SYNE2: variants seen among roughly 807,000 people sequenced by gnomAD.
SYNE2 encodes the protein spectrin repeat containing nuclear envelope protein 2.
Under a neutral mutation model 856.3 loss-of-function variants are expected in SYNE2, and 431 were observed. The observed-to-expected ratio is 0.50, with a 90% CI of 0.47 to 0.55. SYNE2 has a LOEUF of 0.55. Among genes scored for constraint, SYNE2 ranks in the 20% least tolerant of loss-of-function variants. The probability of loss-of-function intolerance (pLI) is 0.00; values close to 1 mark genes in which losing one functional copy is unlikely to be tolerated. For synonymous variants in SYNE2, 2,923 were observed against 2,872.3 expected, an observed-to-expected ratio of 1.02 and a Z score of -0.56; for missense variants, 8,129 against 8,023.2, an observed-to-expected ratio of 1.01 and a Z score of -0.50.
At chr14:63,956,930 A>C (rs2096247943) in intron 8 of SYNE2, among the ~76,000 whole-genome samples, 1 of 152,080 alleles carries the variant, frequency 6.6e-6, no homozygotes, top group Non-Finnish European at 1.5e-5. Context: ...TGTCATCCCC[A>C]AAGGAACTCC....
At chr14:63,950,604 A>G (rs901015997) in intron 7 of SYNE2, among the ~76,000 whole-genome samples, 1 of 152,180 alleles carries the variant, frequency 6.6e-6, no homozygotes, top group Non-Finnish European at 1.5e-5. Flanking sequence ...GTATATGAGT[A>G]TATTAAGAGA....
chr14:64,089,782 C>T, intron 59 of SYNE2, 86 bp downstream of exon 59: 7 of 1,188,708 alleles, frequency 5.9e-6, no homozygotes, highest in South Asian at 1.3e-5. Flanking sequence ...TTTAAAAAAG[C>T]ATTTAGTCTT....
At chr14:63,814,257 G>A (rs979974645) in intron 1 of SYNE2, among the ~76,000 whole-genome samples, 15 of 151,162 alleles carry the variant, frequency 9.9e-5, no homozygotes, top group African/African-American at 3.4e-4. Context: ...GCCACAGAGC[G>A]AGGCTCTGTC....
intron 45 of SYNE2, among the ~76,000 whole-genome samples, chr14:64,032,644 C>G (rs2097049547): frequency 1.3e-5 from 2 of 152,066 alleles, no homozygotes; most frequent in Admixed American, 1.3e-4. Flanking sequence ...GCAATCTTGG[C>G]TCACCGCAAC....
At chr14:63,910,515 CT>C (rs1313532801) in intron 2 of SYNE2, among the ~76,000 whole-genome samples, 1 of 152,128 alleles carries the variant, frequency 6.6e-6, no homozygotes, top group Non-Finnish European at 1.5e-5. Context: ...AAAATAATGT[CT>C]GAATATTCAG....
chr14:64,132,200 G>C lies in SYNE2; in HGVS notation c.14341-65G>C, dbSNP rs1021103143. 4.5e-6 allele frequency: 7 copies of C among 1,572,998 alleles called. No homozygotes were observed. In the African/African-American group the frequency reaches 9.5e-5, roughly 21 times the overall value. On this transcript the variant is annotated intron_variant, in intron 76 of 115. Coordinates refer to ENST00000555002, the MANE Select transcript of SYNE2 (RefSeq NM_182914.3). ...AAAAATAACTGGATATAAAGTTGAA[G>C]TAACTTGGTTTTTAAGAGTTTTCAC...
In SYNE2 at chr14:64,168,966, G is replaced by A. The variant is rs773707574; in HGVS notation, c.16995G>A (p.Glu5665=). 134 of 1,612,836 alleles carry A rather than the reference G, an allele frequency of 8.3e-5. No individual in the cohort carries two copies. Among genetic ancestry groups the A allele is most frequent in the Non-Finnish European group, 1.1e-4 (130 of 1,178,946 alleles). The change falls in exon 93 of 116, where the codon GAG becomes GAA. Residue 5665 remains glutamate (E), a synonymous_variant. Transcript: ENST00000555002. Reference sequence around the variant, plus strand: ...AACTCCTGGACACAACAGAAATAGAGAACAGGTGAGCTGTCTGGGCCTCAT... The same window carrying A: ...AACTCCTGGACACAACAGAAATAGAAAACAGGTGAGCTGTCTGGGCCTCAT... ...SLQLLDTTEI[E]NRPEFITEFS...
intron 1 of SYNE2, among the ~76,000 whole-genome samples, chr14:63,812,024 A>G (rs1418986735): frequency 5.9e-5 from 9 of 152,194 alleles, no homozygotes; most frequent in South Asian, 4.1e-4. Flanking sequence ...CTTAAACAAC[A>G]GAAAACAGGG....
At chr14:64,035,830 AC>A (rs942134370) in intron 45 of SYNE2, among the ~76,000 whole-genome samples, 1 of 148,228 alleles carries the variant, frequency 6.7e-6, no homozygotes, top group Non-Finnish European at 1.5e-5. Context: ...GAGTAGTAGG[AC>A]TCCAGGCATG....
At chr14:64,186,274 T>C in intron 96 of SYNE2, 150 bp from the exon 97 acceptor site, 1 of 957,474 alleles carries the variant, frequency 1.0e-6, no homozygotes, top group Non-Finnish European at 1.7e-6. Context: ...CTGCAGGCGC[T>C]CGTCTTGGGC....
At chr14:63,764,441 G>C (rs550281609) in intron 1 of SYNE2, among the ~76,000 whole-genome samples, 1 of 152,026 alleles carries the variant, frequency 6.6e-6, no homozygotes, top group Non-Finnish European at 1.5e-5. Flanking sequence ...AGGCCATAGC[G>C]GGAGGACTGC....
rs761821446 is a variant in SYNE2, at chr14:64,162,176, G to A, written c.16199G>A (p.Arg5400Lys). 6.2e-7 allele frequency: 1 copy of A among 1,614,206 alleles called. No individual in the cohort carries two copies. The highest frequency in any genetic ancestry group is 8.5e-7 in the Non-Finnish European group (1 of 1,180,028). The change falls in exon 88 of 116, where the codon AGG becomes AAG. Residue 5400 changes from arginine to lysine, a missense_variant. Physicochemically the swap from Arg to Lys is conservative, Grantham distance 26 (BLOSUM62 2). This residue lies in a region of SYNE2 where 5,410 missense variants were observed against 5,284.8 expected (regional missense o/e 1.02). Coordinates refer to ENST00000555002, the MANE Select transcript of SYNE2 (RefSeq NM_182914.3). ...AATGCTCATGGTGAAGCTGCCGCAA[G>A]GCTGAAGCAGCAGGAAGCAAAGTTT... ...YSNAHGEAAA[R>K]LKQQEAKFQQ... is the part of the protein sequence containing the mutation.
At chr14:64,041,076 AAG>A (rs1398185143) in intron 45 of SYNE2, among the ~76,000 whole-genome samples, 1 of 152,164 alleles carries the variant, frequency 6.6e-6, no homozygotes, top group Non-Finnish European at 1.5e-5. Flanking sequence ...CTGTCAACCT[AAG>A]AGAAAATAGC....
At chr14:64,215,519 G>T (rs766495890) in intron 107 of SYNE2, 165 bp downstream of exon 107, 124 of 759,002 alleles carry the variant, frequency 1.6e-4, no homozygotes, top group Non-Finnish European at 2.4e-4. Flanking sequence ...CCATAACTGC[G>T]TGCTCCTTAC....
At chr14:63,818,024 C>CAAAAAAAAAAAAAA (rs34186501) in intron 1 of SYNE2, among the ~76,000 whole-genome samples, 12 of 64,762 alleles carry the variant, frequency 1.9e-4, no homozygotes, top group Admixed American at 2.3e-4. Flanking sequence ...GACCCTTTCT[C>CAAAAAAAAAAAAAA]AAAAAAAAAA....
At position 64,186,434 on chromosome 14, in the gene SYNE2, AG is replaced by A; in HGVS notation, c.17568del (p.Gln5856HisfsTer10). 6.2e-7 allele frequency: 1 copy of A among 1,614,220 alleles called. No individual in the cohort carries two copies. Among genetic ancestry groups the A allele is most frequent in the Non-Finnish European group, 8.5e-7 (1 of 1,180,026 alleles). On this transcript the variant is annotated frameshift_variant, in exon 97 of 116. Coordinates refer to ENST00000555002, the MANE Select transcript of SYNE2 (RefSeq NM_182914.3). LOFTEE classifies it high-confidence loss of function. The stretch of plus-strand genomic sequence containing the variant: ...TGTGATTAAATGCAGGAACTAGAAC[AG>A]TCTTTGGCTAGCTGGACTCAGAACT... ...NEKELIKELE[Q>X]SLASWTQNLK...
chr14:64,049,727 A>C lies in SYNE2; in HGVS notation c.7494A>C (p.Ala2498=). Residue 2498 remains alanine, a synonymous_variant, in exon 47 of 116, where the codon GCA becomes GCC. Transcript: ENST00000555002. ...ALVLHNIGYS[A]QHLDNLLQAL... is the part of the protein sequence containing the mutation. ...TTCTCCACAATATAGGATATTCGGC[A>C]CAGCATTTGGACAATTTGCTTCAGG... 1 of 1,614,208 alleles carries C rather than the reference A, an allele frequency of 6.2e-7. No individual in the cohort carries two copies. Among genetic ancestry groups the C allele is most frequent in the Admixed American group, 1.7e-5 (1 of 60,030 alleles).
At chr14:63,812,052 G>A (rs368780821) in intron 1 of SYNE2, among the ~76,000 whole-genome samples, 33 of 152,172 alleles carry the variant, frequency 2.2e-4, no homozygotes, top group African/African-American at 7.2e-4. Context: ...GCAGAGAACC[G>A]GTCTGACCTC....
At chr14:63,827,362 C>T (rs535915614) in intron 1 of SYNE2, among the ~76,000 whole-genome samples, 195 of 151,310 alleles carry the variant, frequency 1.3e-3, no homozygotes, top group Admixed American at 8.3e-3. Flanking sequence ...CGGTGGCTCA[C>T]GCCTGTAATC....
Sources: allele counts gnomAD v4.1 joint callset (sites outside exome capture counted in the v4.1 genomes callset), GRCh38; gene constraint gnomAD v4.1.1; regional missense constraint gnomAD v4.1.1; transcripts MANE v1.5; gene names NCBI Gene and HGNC (gene_info 2026-07-23, HGNC 2026-07-21).